The following ATP10A variants were observed in gnomAD, a reference collection of about 807,000 sequenced individuals.
ATP10A encodes phospholipid-transporting ATPase VA.
In ATP10A, 111 loss-of-function variants were observed where a neutral mutation model predicts 147.8. The ratio of observed to expected loss-of-function variants is 0.75; its 90% CI spans 0.64 to 0.88. The LOEUF is 0.88. Ranked by LOEUF, ATP10A falls within the 40% of genes least tolerant of loss-of-function variation. The pLI, the probability that ATP10A is intolerant of heterozygous loss-of-function variation, is 0.00. For synonymous variants in ATP10A, 875 were observed against 841.6 expected, an observed-to-expected ratio of 1.04 and a Z score of -0.69; for missense variants, 1,927 against 1,959.0, an observed-to-expected ratio of 0.98 and a Z score of 0.31.
chr15:25,764,758 C>T (rs1888936909), intron 2 of ATP10A, among the ~76,000 whole-genome samples: 10 of 152,202 alleles, frequency 6.6e-5, no homozygotes, highest in Admixed American at 6.5e-4. Context: ...TCACTTCTTC[C>T]CATCACCTGA....
At chr15:25,856,786 A>T (rs1893537590) in intron 1 of ATP10A, among the ~76,000 whole-genome samples, 1 of 152,070 alleles carries the variant, frequency 6.6e-6, no homozygotes, top group South Asian at 2.1e-4. Context: ...CAACAACAAA[A>T]ATTCAAACCT....
chr15:25,689,757 C>T (rs753441597), intron 15 of ATP10A, among the ~76,000 whole-genome samples: 2 of 152,218 alleles, frequency 1.3e-5, no homozygotes, highest in African/African-American at 2.4e-5. Flanking sequence ...GGGCACCTGC[C>T]CTATGGCTCA....
chr15:25,683,720 A>C, intron 16 of ATP10A: 2 of 557,560 alleles, frequency 3.6e-6, no homozygotes, highest in Non-Finnish European at 6.4e-6. Flanking sequence ...TGGCAGTGGG[A>C]ATTGGGAATT....
intron 1 of ATP10A, among the ~76,000 whole-genome samples, chr15:25,797,881 G>T (rs1890754932): frequency 6.6e-6 from 1 of 152,258 alleles, no homozygotes; most frequent in African/African-American, 2.4e-5. Flanking sequence ...CCTCGTCTAT[G>T]TCATATCCTC....
At chr15:25,733,637 C>A (rs1426068008) in intron 3 of ATP10A, among the ~76,000 whole-genome samples, 3 of 152,204 alleles carry the variant, frequency 2.0e-5, no homozygotes, top group East Asian at 1.9e-4. Flanking sequence ...GCCCAGAACA[C>A]CCCGGCTGGT....
At chr15:25,712,914 C>A (rs1901530485) in intron 10 of ATP10A, among the ~76,000 whole-genome samples, 1 of 152,212 alleles carries the variant, frequency 6.6e-6, no homozygotes, top group Non-Finnish European at 1.5e-5. Context: ...TCTCCTGAGG[C>A]ACTGAGATGC....
intron 1 of ATP10A, among the ~76,000 whole-genome samples, chr15:25,824,157 T>A (rs928163214): frequency 1.4e-5 from 2 of 142,568 alleles, no homozygotes; most frequent in Admixed American, 7.0e-5. Flanking sequence ...AGAAAAAAAA[T>A]ATTTCACTAA....
chr15:25,741,224 T>C (rs1361449060), intron 2 of ATP10A, among the ~76,000 whole-genome samples: 2 of 152,186 alleles, frequency 1.3e-5, no homozygotes, highest in Admixed American at 1.3e-4. Context: ...TCACAGTGCC[T>C]GGCACACACA....
chr15:25,735,029 A>AGGG (rs1887193608), intron 3 of ATP10A, among the ~76,000 whole-genome samples: 2 of 111,980 alleles, frequency 1.8e-5, no homozygotes, highest in African/African-American at 6.8e-5. Context: ...GGGTGGGGGA[A>AGGG]GTGGGTGGGG....
At chr15:25,741,048 T>C (rs1887555656) in intron 2 of ATP10A, among the ~76,000 whole-genome samples, 2 of 152,230 alleles carry the variant, frequency 1.3e-5, no homozygotes, top group Admixed American at 1.3e-4. Context: ...GAAGCCTTCC[T>C]GACGGCCCCC....
chr15:25,689,993 C>A lies in ATP10A; in HGVS notation c.3165+1722G>T, dbSNP rs547651767. On this transcript the variant is annotated intron_variant, in intron 15 of 20. Transcript: ENST00000555815. ...GGAAACAGTGAAAACAGAAGCAATGCCAACAAAGTCAGAATGAATGAACTA... is the reference window on the plus strand; with the variant it reads ...GGAAACAGTGAAAACAGAAGCAATGACAACAAAGTCAGAATGAATGAACTA... 2.6e-5 allele frequency among the ~76,000 whole-genome samples: 4 copies of A among 152,346 alleles called. No homozygotes were observed. In the East Asian group the frequency reaches 7.7e-4, roughly 29 times the overall value.
intron 3 of ATP10A, among the ~76,000 whole-genome samples, chr15:25,733,522 G>A (rs1887080894): frequency 1.3e-5 from 2 of 152,184 alleles, no homozygotes; most frequent in Non-Finnish European, 2.9e-5. Context: ...GTGCCCCACA[G>A]TCACGGGGGC....
chr15:25,725,952 G>T lies in ATP10A; in HGVS notation c.978C>A (p.Val326=). 1 of 1,612,504 alleles carries T rather than the reference G, an allele frequency of 6.2e-7. No individual in the cohort carries two copies. Among genetic ancestry groups the T allele is most frequent in the South Asian group, 1.1e-5 (1 of 90,948 alleles). The change falls in exon 5 of 21, where the codon GTC becomes GTA. Residue 326 remains valine (V), a splice_region_variant and synonymous_variant. Coordinates refer to ENST00000555815, the MANE Select transcript of ATP10A (RefSeq NM_024490.4). ...LLVCMSLFSA[V]GHGLWIWRYQ... ...TTCCGATCCATCTAGGAGACTTACC[G>T]ACTGCTGAAAACAGAGACATGCAAA...
At chr15:25,779,973 G>A (rs946660562) in intron 2 of ATP10A, among the ~76,000 whole-genome samples, 5 of 152,094 alleles carry the variant, frequency 3.3e-5, no homozygotes, top group Non-Finnish European at 4.4e-5. Context: ...GGCGAGGTGC[G>A]GAGTACCTGG....
intron 1 of ATP10A, among the ~76,000 whole-genome samples, chr15:25,825,233 A>G (rs779279419): frequency 2.0e-5 from 3 of 152,190 alleles, no homozygotes; most frequent in Non-Finnish European, 4.4e-5. Context: ...AATTAGAGGC[A>G]GTTGTTTAGA....
At chr15:25,784,776 G>A (rs1261032768) in intron 1 of ATP10A, among the ~76,000 whole-genome samples, 1 of 152,226 alleles carries the variant, frequency 6.6e-6, no homozygotes, top group African/African-American at 2.4e-5. Flanking sequence ...ACAAAAATTA[G>A]CCAGGTGTGG....
intron 3 of ATP10A, among the ~76,000 whole-genome samples, chr15:25,735,142 G>A (rs879750506): frequency 6.6e-6 from 1 of 152,130 alleles, no homozygotes; most frequent in Non-Finnish European, 1.5e-5. Context: ...TGTGCTGCAG[G>A]CGAGAGGGCT....
chr15:25,784,076 C>T (rs1237426195), intron 1 of ATP10A, among the ~76,000 whole-genome samples: 1 of 152,228 alleles, frequency 6.6e-6, no homozygotes, highest in African/African-American at 2.4e-5. Flanking sequence ...AAGGTCAAGC[C>T]TTGACTTCAT....
chr15:25,690,399 A>G (rs558404205), intron 15 of ATP10A, among the ~76,000 whole-genome samples: 1 of 152,134 alleles, frequency 6.6e-6, no homozygotes, highest in African/African-American at 2.4e-5. Flanking sequence ...ATGGGCCACC[A>G]CGCTGGGGTT....
Sources: gnomAD v4.1 joint callset for allele counts (sites outside exome capture counted in the v4.1 genomes callset) on GRCh38, gnomAD v4.1.1 for gene constraint, MANE v1.5 for transcripts, NCBI Gene and HGNC (gene_info 2026-07-23, HGNC 2026-07-21) for gene names.